Variants in CEP89 observed in about 807,000 individuals in gnomAD.
CEP89 encodes the protein centrosomal protein 89, also known as centrosomal protein of 89 kDa.
CEP89 carries 95 observed loss-of-function variants against 97.6 expected under a neutral mutation model. The observed-to-expected ratio is 0.97, with a 90% CI of 0.82 to 1.15. CEP89 has a LOEUF of 1.15. CEP89 is among the 50% of genes most tolerant of loss of function. The pLI is 0.00. For synonymous variants in CEP89, 354 were observed against 349.1 expected (o/e 1.01, Z -0.16); for missense variants, 869 against 947.7 (o/e 0.92, Z 1.09).
At chr19:32,879,506 TCTG>T (rs1277103833) in intron 18 of CEP89, 128 bp from the exon 19 acceptor site, 2 of 744,938 alleles carry the variant, frequency 2.7e-6, no homozygotes, top group Non-Finnish European at 4.4e-6. Context: ...GTGCCTGGGT[TCTG>T]AAGCAAGCGC....
intron 5 of CEP89, among the ~76,000 whole-genome samples, chr19:32,940,344 T>G (rs1043674059): frequency 4.7e-5 from 7 of 149,768 alleles, no homozygotes; most frequent in Non-Finnish European, 8.9e-5. Flanking sequence ...CATCTTCCCA[T>G]GCCGGGCTCC....
intron 14 of CEP89, among the ~76,000 whole-genome samples, chr19:32,913,036 G>A (rs58116793): frequency 0.15 from 22,727 of 147,598 alleles, 2,015 homozygotes; most frequent in Non-Finnish European, 0.21. Flanking sequence ...GTGAGACTCC[G>A]TCTCAAAAAA....
At position 32,913,770 on chromosome 19, in the gene CEP89, C is replaced by G. The variant is rs370231516; in HGVS notation, c.1565+1567G>C. On this transcript the variant is annotated intron_variant, in intron 14 of 18. Transcript: ENST00000305768. Reference sequence around the variant, plus strand: ...TCTCCTGCCTCAGCCTCCCGAGTAGCTGGGATTACAGGTGCCTGCCACCAT... The same window carrying G: ...TCTCCTGCCTCAGCCTCCCGAGTAGGTGGGATTACAGGTGCCTGCCACCAT... 2.9e-3 allele frequency among the ~76,000 whole-genome samples: 448 copies of G among 151,972 alleles called. 1 individual carries two copies. The highest frequency in any genetic ancestry group is 9.2e-3 in the African/African-American group (383 of 41,424).
At chr19:32,919,488 G>A (rs111945987) in intron 12 of CEP89, among the ~76,000 whole-genome samples, 3 of 152,292 alleles carry the variant, frequency 2.0e-5, no homozygotes, top group African/African-American at 7.2e-5. Context: ...ACAATGGTGT[G>A]GCCCCAACAG....
At chr19:32,909,296 G>A (rs1250552862) in intron 14 of CEP89, among the ~76,000 whole-genome samples, 2 of 152,178 alleles carry the variant, frequency 1.3e-5, no homozygotes, top group African/African-American at 4.8e-5. Flanking sequence ...TGGGAGACCT[G>A]TATCCTAAAG....
At chr19:32,967,377 C>T (rs1427548242) in intron 1 of CEP89, among the ~76,000 whole-genome samples, 1 of 152,054 alleles carries the variant, frequency 6.6e-6, no homozygotes, top group Non-Finnish European at 1.5e-5. Context: ...AGAGGCAAAA[C>T]ACCATGACAG....
chr19:32,962,051 A>C (rs1426214241), intron 2 of CEP89, among the ~76,000 whole-genome samples: 1 of 108,492 alleles, frequency 9.2e-6, no homozygotes, highest in Non-Finnish European at 2.0e-5. Context: ...TCCATATGCA[A>C]AAAAAAAAAA....
At chr19:32,911,838 T>C (rs1970007717) in intron 14 of CEP89, among the ~76,000 whole-genome samples, 1 of 152,116 alleles carries the variant, frequency 6.6e-6, no homozygotes, top group Admixed American at 6.6e-5. Context: ...CAGAAGTCAA[T>C]AGGTATTCAG....
chr19:32,955,796 G>A (rs1368527834), intron 3 of CEP89, among the ~76,000 whole-genome samples: 1 of 152,180 alleles, frequency 6.6e-6, no homozygotes, highest in East Asian at 1.9e-4. Context: ...TTACAGGCGT[G>A]AGCCACTGTG....
At chr19:32,971,692 T>C in intron 1 of CEP89, 144 bp downstream of exon 1, 2 of 718,042 alleles carry the variant, frequency 2.8e-6, no homozygotes, top group Non-Finnish European at 4.7e-6. Context: ...ACACGAAAAA[T>C]CAAGGCTTCC....
chr19:32,923,138 C>T (rs958467356), intron 12 of CEP89, among the ~76,000 whole-genome samples: 17 of 152,002 alleles, frequency 1.1e-4, no homozygotes, highest in Admixed American at 1.3e-4. Context: ...TAAGAAGGGA[C>T]GAGACTCTCC....
At position 32,879,209 on chromosome 19, in the gene CEP89, A is replaced by G; in HGVS notation, c.2305T>C (p.Cys769Arg). The change falls in exon 19 of 19, where the codon TGC becomes CGC. Residue 769 changes from cysteine (C) to arginine (R), a missense_variant. Cys to Arg is a radical substitution (Grantham distance 180, BLOSUM62 -3). Transcript: ENST00000305768. The stretch of plus-strand genomic sequence containing the variant: ...TTCAGGTCATAGGAGCAGACATCGC[A>G]GCCGTCCAGCAGGTCTGCCTGAGAG... ...GVSQADLLDG[C>R]DVCSYDLKSH... 6.2e-7 allele frequency: 1 copy of G among 1,614,060 alleles called. No homozygotes were observed. Among genetic ancestry groups the G allele is most frequent in the Non-Finnish European group, 8.5e-7 (1 of 1,179,972 alleles).
At chr19:32,939,585 G>A (rs1183474654) in intron 6 of CEP89, among the ~76,000 whole-genome samples, 3 of 151,526 alleles carry the variant, frequency 2.0e-5, no homozygotes, top group East Asian at 2.0e-4. Flanking sequence ...GGCTGAGGTG[G>A]GAGGATCGCT....
At chr19:32,891,152 T>A (rs1358560594) in intron 16 of CEP89, among the ~76,000 whole-genome samples, 16 of 152,184 alleles carry the variant, frequency 1.1e-4, no homozygotes, top group Admixed American at 1.0e-3. Context: ...CTGGGGCCCC[T>A]GTCACTAACA....
chr19:32,953,817 C>A lies in CEP89; in HGVS notation c.306-16G>T. 6.3e-7 allele frequency: 1 copy of A among 1,577,214 alleles called. No homozygotes were observed. Among genetic ancestry groups the A allele is most frequent in the Non-Finnish European group, 8.7e-7 (1 of 1,150,990 alleles). ...CCAATTTGGCCTGTATTAGAATATT[C>A]ATGGGGAAAACAAACAAAAAGTCAC... On this transcript the variant is annotated splice_polypyrimidine_tract_variant and intron_variant, in intron 3 of 18. Coordinates refer to ENST00000305768, the MANE Select transcript of CEP89 (RefSeq NM_032816.5).
Position 32,953,266 on chromosome 19 carries a change from G to A in CEP89, c.492+349C>T, listed in dbSNP as rs550944379. Among the ~76,000 whole-genome samples the A allele has an allele frequency of 1.5e-4, 23 of 151,200 alleles. No homozygotes were observed. In the South Asian group the frequency reaches 4.8e-3, roughly 31 times the overall value. On this transcript the variant is annotated intron_variant, in intron 4 of 18. Coordinates refer to ENST00000305768, the MANE Select transcript of CEP89 (RefSeq NM_032816.5). ...TGAGACACGCATGACGATCTTCCCCGTCAGGCATGAATTTAAAGAAAGGCT... is the reference window on the plus strand; with the variant it reads ...TGAGACACGCATGACGATCTTCCCCATCAGGCATGAATTTAAAGAAAGGCT...
At chr19:32,903,618 T>C (rs1969828485) in intron 14 of CEP89, among the ~76,000 whole-genome samples, 1 of 152,052 alleles carries the variant, frequency 6.6e-6, no homozygotes, top group South Asian at 2.1e-4. Context: ...CAGATTAGAT[T>C]GTAGAAGGAT....
chr19:32,886,572 C>G (rs1229203717), intron 17 of CEP89, among the ~76,000 whole-genome samples: 1 of 152,234 alleles, frequency 6.6e-6, no homozygotes, highest in African/African-American at 2.4e-5. Context: ...TTCATTCCCC[C>G]CGAGGCCCTG....
intron 6 of CEP89, among the ~76,000 whole-genome samples, chr19:32,939,017 C>T (rs886182895): frequency 6.6e-6 from 1 of 152,044 alleles, no homozygotes; most frequent in East Asian, 1.9e-4. Flanking sequence ...GAGGCCAAGG[C>T]AGGAGGATCG....
Sources: allele counts gnomAD v4.1 joint callset (sites outside exome capture counted in the v4.1 genomes callset), GRCh38; gene constraint gnomAD v4.1.1; transcripts MANE v1.5; gene names NCBI Gene and HGNC (gene_info 2026-07-23, HGNC 2026-07-21).